LRFN5: variants seen among roughly 807,000 people sequenced by gnomAD.
LRFN5 encodes leucine-rich repeat and fibronectin type-III domain-containing protein 5.
LRFN5 carries 24 observed loss-of-function variants against 45.6 expected under a neutral mutation model. The observed-to-expected ratio is 0.53, with a 90% confidence interval of 0.38 to 0.74. The LOEUF (loss-of-function observed/expected upper bound fraction) is 0.74, where lower values mean the gene tolerates loss of function less well. LRFN5 is among the 30% of genes least tolerant of loss of function. The probability of loss-of-function intolerance (pLI) is 0.00; values close to 1 mark genes in which losing one functional copy is unlikely to be tolerated. For missense variants in LRFN5, 776 were observed against 861.5 expected (o/e 0.90, Z 1.24); for synonymous variants, 340 against 313.8 (o/e 1.08, Z -0.88).
At chr14:41,802,776 T>G (rs1887382906) in intron 2 of LRFN5, among the ~76,000 whole-genome samples, 1 of 152,036 alleles carries the variant, frequency 6.6e-6, no homozygotes, top group Admixed American at 6.6e-5. Context: ...TCCAAAAATA[T>G]CACTTACTCA....
rs114323966 is a variant in LRFN5, at chr14:41,607,077, G to C, written c.-1682G>C. Among the ~76,000 whole-genome samples, 9,768 of 152,246 alleles carry C rather than the reference G, an allele frequency of 0.064. 1,063 individuals carry two copies. The highest frequency in any genetic ancestry group is 0.22 in the African/African-American group (9,212 of 41,518). ...CGGTGGCCAGCGGGCGGGGCGCTGT[G>C]TTCCGCGGCGCGCAGGGAGGCGGTG... On this transcript the variant is annotated 5_prime_UTR_variant, in exon 1 of 6. Transcript: ENST00000298119.
At chr14:41,805,380 A>G (rs1295787555) in intron 2 of LRFN5, among the ~76,000 whole-genome samples, 2 of 143,308 alleles carry the variant, frequency 1.4e-5, no homozygotes, top group Admixed American at 7.0e-5. Flanking sequence ...GCATACTTAC[A>G]TAAGTTTTAT....
At chr14:41,822,108 C>G (rs1888135888) in intron 2 of LRFN5, among the ~76,000 whole-genome samples, 1 of 151,818 alleles carries the variant, frequency 6.6e-6, no homozygotes, top group Non-Finnish European at 1.5e-5. Context: ...TTTTAAGTAA[C>G]ATACTTATCA....
intron 1 of LRFN5, among the ~76,000 whole-genome samples, chr14:41,752,632 T>C (rs1885186645): frequency 6.6e-6 from 1 of 152,230 alleles, no homozygotes; most frequent in Non-Finnish European, 1.5e-5. Flanking sequence ...TCTTGTAAAT[T>C]TGTTTCAGTT....
At chr14:41,876,282 T>TTC (rs986840305) in intron 2 of LRFN5, among the ~76,000 whole-genome samples, 1 of 118,308 alleles carries the variant, frequency 8.5e-6, no homozygotes, top group East Asian at 7.5e-4. Context: ...TCTTTCTTTT[T>TTC]TTTTTTTTTT....
intron 1 of LRFN5, among the ~76,000 whole-genome samples, chr14:41,669,695 T>G (rs1355014320): frequency 6.6e-6 from 1 of 152,012 alleles, no homozygotes; most frequent in Non-Finnish European, 1.5e-5. Context: ...CCCAGCCAGT[T>G]CTTACTGTAG....
intron 1 of LRFN5, among the ~76,000 whole-genome samples, chr14:41,753,087 A>G (rs1165107012): frequency 1.3e-5 from 2 of 152,024 alleles, no homozygotes; most frequent in East Asian, 3.9e-4. Context: ...GATATGCGGC[A>G]TTATTTCTGA....
intron 2 of LRFN5, among the ~76,000 whole-genome samples, chr14:41,807,164 TG>T (rs1454342428): frequency 1.3e-5 from 2 of 152,198 alleles, no homozygotes; most frequent in Non-Finnish European, 2.9e-5. Context: ...AATAATTTGC[TG>T]GTATTTTTAG....
chr14:41,904,206 A>C lies in LRFN5; in HGVS notation c.*31A>C, dbSNP rs201953168. ...ACCACTTCTCCTCTCTCTCCTGAAAAAATTTGCCACTGATATTTTTACTGG... is the reference window on the plus strand; with the variant it reads ...ACCACTTCTCCTCTCTCTCCTGAAACAATTTGCCACTGATATTTTTACTGG... On this transcript the variant is annotated 3_prime_UTR_variant, in exon 6 of 6. Transcript: ENST00000298119. 4.3e-6 allele frequency: 7 copies of C among 1,609,716 alleles called. No homozygotes were observed. In the Admixed American group the frequency reaches 1.2e-4, roughly 27 times the overall value.
intron 1 of LRFN5, among the ~76,000 whole-genome samples, chr14:41,717,293 T>G (rs1883531697): frequency 6.6e-6 from 1 of 152,216 alleles, no homozygotes; most frequent in Admixed American, 6.5e-5. Context: ...CTTGCAGGAA[T>G]GGCTTAGAGT....
intron 2 of LRFN5, among the ~76,000 whole-genome samples, chr14:41,857,313 C>G (rs1425339830): frequency 1.3e-5 from 2 of 152,082 alleles, no homozygotes; most frequent in Non-Finnish European, 2.9e-5. Flanking sequence ...GCCCAGATCT[C>G]ACAATTTTAA....
intron 1 of LRFN5, among the ~76,000 whole-genome samples, chr14:41,665,996 G>C (rs889711640): frequency 3.9e-5 from 6 of 151,950 alleles, no homozygotes; most frequent in Non-Finnish European, 5.9e-5. Flanking sequence ...TTGTGTATTA[G>C]TGTATGAATA....
At chr14:41,642,879 T>C (rs1594575415) in intron 1 of LRFN5, among the ~76,000 whole-genome samples, 2 of 152,348 alleles carry the variant, frequency 1.3e-5, no homozygotes, top group East Asian at 1.9e-4. Flanking sequence ...TTTTAAATGT[T>C]AAAGATTAGA....
At chr14:41,748,307 G>T (rs1176696976) in intron 1 of LRFN5, among the ~76,000 whole-genome samples, 1 of 152,006 alleles carries the variant, frequency 6.6e-6, no homozygotes, top group East Asian at 1.9e-4. Flanking sequence ...TAAGGTAATG[G>T]TATATATATG....
chr14:41,722,435 T>C (rs1271486700), intron 1 of LRFN5, among the ~76,000 whole-genome samples: 1 of 152,152 alleles, frequency 6.6e-6, no homozygotes, highest in East Asian at 1.9e-4. Flanking sequence ...TGCATTCAGA[T>C]TTTTCATGGT....
At chr14:41,619,476 C>T (rs1351154705) in intron 1 of LRFN5, among the ~76,000 whole-genome samples, 1 of 151,740 alleles carries the variant, frequency 6.6e-6, no homozygotes, top group African/African-American at 2.4e-5. Flanking sequence ...TGAGGGGGTA[C>T]CTGAAAATGC....
intron 2 of LRFN5, among the ~76,000 whole-genome samples, chr14:41,882,746 T>C (rs1401592788): frequency 6.6e-6 from 1 of 152,026 alleles, no homozygotes; most frequent in Non-Finnish European, 1.5e-5. Context: ...TGGTAAAATA[T>C]AGGCAGGATT....
chr14:41,814,902 T>A (rs1258061613), intron 2 of LRFN5, among the ~76,000 whole-genome samples: 1 of 151,584 alleles, frequency 6.6e-6, no homozygotes, highest in Non-Finnish European at 1.5e-5. Flanking sequence ...AGAGAAAGAG[T>A]ATTGCTGGTT....
chr14:41,789,389 G>A (rs1002431843), intron 2 of LRFN5, among the ~76,000 whole-genome samples: 1 of 151,938 alleles, frequency 6.6e-6, no homozygotes, highest in African/African-American at 2.4e-5. Context: ...CTTAGAAATG[G>A]CAAGTAAGCT....
Sources: gnomAD v4.1 joint callset for allele counts (sites outside exome capture counted in the v4.1 genomes callset) on GRCh38, gnomAD v4.1.1 for gene constraint, MANE v1.5 for transcripts, NCBI Gene and HGNC (gene_info 2026-07-23, HGNC 2026-07-21) for gene names.